Variants in PLXDC2 observed in about 807,000 individuals in gnomAD.
PLXDC2 encodes the protein plexin domain containing 2.
PLXDC2 carries 40 observed loss-of-function variants against 68.9 expected under a neutral mutation model. That is an observed-to-expected ratio of 0.58 (90% CI 0.45 to 0.76). The LOEUF is 0.76. Among genes scored for constraint, PLXDC2 ranks in the 30% least tolerant of loss-of-function variants. PLXDC2 has a pLI of 0.00. For synonymous variants in PLXDC2, 243 were observed against 234.2 expected, an observed-to-expected ratio of 1.04 and a Z score of -0.34; for missense variants, 644 against 661.9, an observed-to-expected ratio of 0.97 and a Z score of 0.30.
At chr10:19,844,051 A>G (rs957968170) in intron 1 of PLXDC2, among the ~76,000 whole-genome samples, 1 of 152,206 alleles carries the variant, frequency 6.6e-6, no homozygotes, top group Non-Finnish European at 1.5e-5. Context: ...CAAATACGTA[A>G]AATATTATGT....
intron 7 of PLXDC2, among the ~76,000 whole-genome samples, chr10:20,169,434 A>C (rs111403479): frequency 6.6e-5 from 10 of 152,218 alleles, no homozygotes; most frequent in African/African-American, 2.4e-4. Flanking sequence ...AATTTCCATA[A>C]TTTCTTGGTA....
intron 1 of PLXDC2, among the ~76,000 whole-genome samples, chr10:19,860,960 C>A (rs1474846835): frequency 6.6e-6 from 1 of 151,940 alleles, no homozygotes; most frequent in African/African-American, 2.4e-5. Flanking sequence ...ATCTTCCTAG[C>A]CCCAAGACAC....
At chr10:19,835,736 G>A (rs57955952) in intron 1 of PLXDC2, among the ~76,000 whole-genome samples, 3,878 of 152,260 alleles carry the variant, frequency 0.025, 138 homozygotes, top group African/African-American at 0.087. Flanking sequence ...ATTAGGAAAA[G>A]CATCACTAGG....
intron 4 of PLXDC2, among the ~76,000 whole-genome samples, chr10:20,124,824 C>A (rs1406119572): frequency 8.3e-6 from 1 of 120,848 alleles, no homozygotes; most frequent in Non-Finnish European, 1.7e-5. Flanking sequence ...AGGCCATTTT[C>A]ACTTCTTTTG....
At chr10:19,920,794 G>C (rs1833448562) in intron 1 of PLXDC2, among the ~76,000 whole-genome samples, 1 of 152,194 alleles carries the variant, frequency 6.6e-6, no homozygotes, top group Non-Finnish European at 1.5e-5. Context: ...CTGGCCTCAA[G>C]CAACCTGCTG....
intron 9 of PLXDC2, among the ~76,000 whole-genome samples, chr10:20,206,849 A>AACACACACACACACAC (rs375925753): frequency 6.7e-6 from 1 of 149,544 alleles, no homozygotes; most frequent in Non-Finnish European, 1.5e-5. Context: ...TGTGCTTTGA[A>AACACACACACACACAC]ACACACACAC....
intron 1 of PLXDC2, among the ~76,000 whole-genome samples, chr10:19,934,037 A>G (rs538175165): frequency 6.6e-6 from 1 of 152,334 alleles, no homozygotes; most frequent in Admixed American, 6.5e-5. Context: ...AGTCCTATTA[A>G]TCTCTCTCAT....
intron 12 of PLXDC2, among the ~76,000 whole-genome samples, chr10:20,244,825 T>A (rs1835566703): frequency 6.6e-6 from 1 of 152,164 alleles, no homozygotes; most frequent in African/African-American, 2.4e-5. Context: ...CTAGAAATTT[T>A]AAAACACAGG....
intron 4 of PLXDC2, among the ~76,000 whole-genome samples, chr10:20,119,665 C>T (rs572405654): frequency 2.6e-5 from 4 of 151,776 alleles, no homozygotes; most frequent in Admixed American, 6.6e-5. Flanking sequence ...GTTGGGACAG[C>T]GAAAATTTTG....
intron 1 of PLXDC2, among the ~76,000 whole-genome samples, chr10:19,968,823 A>G (rs1293328960): frequency 1.3e-5 from 2 of 152,216 alleles, no homozygotes; most frequent in Non-Finnish European, 2.9e-5. Context: ...ATTAAGTACC[A>G]ACATCATTGC....
At chr10:20,042,877 C>G (rs563645417) in intron 2 of PLXDC2, among the ~76,000 whole-genome samples, 1 of 152,128 alleles carries the variant, frequency 6.6e-6, no homozygotes, top group African/African-American at 2.4e-5. Context: ...TGGATTTATA[C>G]GATTTAATAC....
chr10:20,108,156 A>G (rs1833515417), intron 4 of PLXDC2, among the ~76,000 whole-genome samples: 1 of 152,222 alleles, frequency 6.6e-6, no homozygotes, highest in Admixed American at 6.5e-5. Flanking sequence ...TCGGCACGGC[A>G]AGGCAACATT....
intron 4 of PLXDC2, among the ~76,000 whole-genome samples, chr10:20,128,354 T>C (rs1043376638): frequency 2.0e-5 from 3 of 152,174 alleles, no homozygotes; most frequent in African/African-American, 7.2e-5. Context: ...GTATTGACTT[T>C]TTTTCAGCTT....
intron 9 of PLXDC2, among the ~76,000 whole-genome samples, chr10:20,208,150 A>G (rs951960625): frequency 8.0e-6 from 1 of 125,418 alleles, no homozygotes; most frequent in African/African-American, 3.0e-5. Flanking sequence ...GGATTTTTGT[A>G]TATTATATAT....
chr10:20,211,409 C>T (rs574884515), intron 9 of PLXDC2, among the ~76,000 whole-genome samples: 10 of 152,116 alleles, frequency 6.6e-5, no homozygotes, highest in Non-Finnish European at 8.8e-5. Flanking sequence ...CTAGGTATTC[C>T]GTACAGTGCA....
intron 1 of PLXDC2, among the ~76,000 whole-genome samples, chr10:19,882,880 G>A (rs1204264992): frequency 1.3e-5 from 2 of 150,886 alleles, no homozygotes; most frequent in Admixed American, 6.6e-5. Flanking sequence ...TTGAGTCTTG[G>A]TTTTGTTTTT....
At chr10:20,129,573 A>G (rs1833839168) in intron 4 of PLXDC2, among the ~76,000 whole-genome samples, 1 of 151,740 alleles carries the variant, frequency 6.6e-6, no homozygotes, top group South Asian at 2.1e-4. Flanking sequence ...ATATATACAC[A>G]TATATATGTA....
At chr10:19,861,294 C>A (rs563407076) in intron 1 of PLXDC2, among the ~76,000 whole-genome samples, 1 of 152,204 alleles carries the variant, frequency 6.6e-6, no homozygotes, top group South Asian at 2.1e-4. Flanking sequence ...CTCTGCCTCC[C>A]AAAGTGCTGG....
chr10:19,890,761 A>G (rs1331019423), intron 1 of PLXDC2, among the ~76,000 whole-genome samples: 3 of 144,056 alleles, frequency 2.1e-5, no homozygotes, highest in African/African-American at 7.7e-5. Context: ...ACATAGAATA[A>G]TTATTTAATT....
Sources: allele counts gnomAD v4.1 joint callset (sites outside exome capture counted in the v4.1 genomes callset), GRCh38; gene constraint gnomAD v4.1.1; transcripts MANE v1.5; gene names NCBI Gene and HGNC (gene_info 2026-07-23, HGNC 2026-07-21).